Variants in GRB14 observed in about 807,000 individuals in gnomAD.
The protein encoded by GRB14 is growth factor receptor bound protein 14, also known as growth factor receptor-bound protein 14.
A neutral mutation model predicts 69.1 loss-of-function variants in GRB14; 38 were observed. The ratio of observed to expected loss-of-function variants is 0.55; its 90% confidence interval spans 0.42 to 0.72. The LOEUF (loss-of-function observed/expected upper bound fraction) is 0.72, where lower values mean the gene tolerates loss of function less well. Ranked by LOEUF, GRB14 falls within the 30% of genes least tolerant of loss-of-function variation. The pLI, the probability that GRB14 is intolerant of heterozygous loss-of-function variation, is 0.00. For missense variants in GRB14, 666 were observed against 666.1 expected, an observed-to-expected ratio of 1.00 and a Z score of 0.00; for synonymous variants, 247 against 241.3, an observed-to-expected ratio of 1.02 and a Z score of -0.22.
At chr2:164,505,858 T>C (rs1256854848) in intron 8 of GRB14, among the ~76,000 whole-genome samples, 6 of 152,160 alleles carry the variant, frequency 3.9e-5, no homozygotes. Flanking sequence ...TTTTTTTTCC[T>C]TTTAATGCTA....
intron 9 of GRB14, among the ~76,000 whole-genome samples, chr2:164,499,665 A>T (rs1017052435): frequency 1.3e-5 from 2 of 152,170 alleles, no homozygotes; most frequent in African/African-American, 4.8e-5. Flanking sequence ...TAAGAAAAAA[A>T]ATAGGTCTGG....
intron 9 of GRB14, among the ~76,000 whole-genome samples, chr2:164,501,132 C>A (rs527601599): frequency 5.3e-4 from 80 of 151,968 alleles, no homozygotes; most frequent in Non-Finnish European, 1.0e-3. Flanking sequence ...AACATGATTG[C>A]TTTTATAAAA....
intron 5 of GRB14, among the ~76,000 whole-genome samples, chr2:164,522,941 GC>G (rs1189890156): frequency 6.6e-6 from 1 of 152,028 alleles, no homozygotes; most frequent in East Asian, 1.9e-4. Context: ...TCGTGACTTG[GC>G]CCTTGGAATC....
At chr2:164,564,279 G>C (rs1330394110) in intron 2 of GRB14, among the ~76,000 whole-genome samples, 1 of 152,212 alleles carries the variant, frequency 6.6e-6, no homozygotes, top group Non-Finnish European at 1.5e-5. Context: ...TGCAGTGAAG[G>C]CTTCAAGGGA....
chr2:164,616,587 C>T (rs1227579726), intron 2 of GRB14, among the ~76,000 whole-genome samples: 2 of 152,072 alleles, frequency 1.3e-5, no homozygotes, highest in African/African-American at 4.8e-5. Context: ...TGCACTTTAC[C>T]ACTCATGCAT....
At chr2:164,570,608 A>T (rs1689103611) in intron 2 of GRB14, among the ~76,000 whole-genome samples, 1 of 152,160 alleles carries the variant, frequency 6.6e-6, no homozygotes, top group Non-Finnish European at 1.5e-5. Flanking sequence ...AGGAAACGGC[A>T]CTTGCTTTGA....
intron 2 of GRB14, chr2:164,568,596 G>C: frequency 2.9e-6 from 1 of 339,180 alleles, no homozygotes; most frequent in Middle Eastern, 6.0e-4. Flanking sequence ...GGAAAACCCC[G>C]CCTTTGTCCT....
At chr2:164,568,559 G>C in intron 2 of GRB14, 1 of 770,002 alleles carries the variant, frequency 1.3e-6, no homozygotes, top group South Asian at 4.8e-5. Context: ...CTGTGGGACA[G>C]GACAAGGCAG....
intron 4 of GRB14, among the ~76,000 whole-genome samples, chr2:164,525,812 G>T (rs1322658204): frequency 6.6e-6 from 1 of 151,858 alleles, no homozygotes; most frequent in Non-Finnish European, 1.5e-5. Context: ...TGTTGAGGGG[G>T]GGCACTCCTG....
intron 2 of GRB14, among the ~76,000 whole-genome samples, chr2:164,592,597 T>C (rs1405038352): frequency 1.3e-5 from 2 of 152,160 alleles, no homozygotes; most frequent in African/African-American, 4.8e-5. Context: ...ACTAGACACA[T>C]AGTATTCATA....
chr2:164,593,428 A>G (rs185202481), intron 2 of GRB14, among the ~76,000 whole-genome samples: 1 of 152,316 alleles, frequency 6.6e-6, no homozygotes, highest in East Asian at 1.9e-4. Flanking sequence ...TATATAAATA[A>G]AAGACAATTT....
intron 2 of GRB14, among the ~76,000 whole-genome samples, chr2:164,569,790 A>G (rs536419432): frequency 6.6e-6 from 1 of 152,324 alleles, no homozygotes; most frequent in South Asian, 2.1e-4. Context: ...ATAAAAAGTC[A>G]CAGATCTATT....
At chr2:164,502,162 A>G (rs4667463) in intron 9 of GRB14, 93 bp downstream of exon 9, 477,823 of 626,808 alleles carry the variant, frequency 0.76, 185,038 homozygotes, top group African/African-American at 0.84. Flanking sequence ...AGAAAATAAC[A>G]TAAATTATTA....
intron 2 of GRB14, among the ~76,000 whole-genome samples, chr2:164,548,226 T>G (rs1688436936): frequency 6.6e-6 from 1 of 152,196 alleles, no homozygotes; most frequent in Admixed American, 6.5e-5. Flanking sequence ...GACTTATTTT[T>G]AGACAGCACA....
At chr2:164,532,375 A>G (rs951361227) in intron 3 of GRB14, among the ~76,000 whole-genome samples, 1 of 152,202 alleles carries the variant, frequency 6.6e-6, no homozygotes, top group African/African-American at 2.4e-5. Flanking sequence ...ATTGTATTTA[A>G]TTCTTATAAT....
intron 2 of GRB14, among the ~76,000 whole-genome samples, chr2:164,601,814 C>T (rs1558878859): frequency 6.6e-6 from 1 of 151,926 alleles, no homozygotes; most frequent in South Asian, 2.1e-4. Context: ...ATTCAGGATA[C>T]AATCTTAACA....
intron 3 of GRB14, among the ~76,000 whole-genome samples, chr2:164,528,880 A>G (rs1338000041): frequency 6.6e-6 from 1 of 152,156 alleles, no homozygotes; most frequent in Non-Finnish European, 1.5e-5. Context: ...TAAAATTACC[A>G]TAGGATCAGC....
At chr2:164,605,626 A>G (rs1457007150) in intron 2 of GRB14, among the ~76,000 whole-genome samples, 1 of 152,226 alleles carries the variant, frequency 6.6e-6, no homozygotes, top group Non-Finnish European at 1.5e-5. Flanking sequence ...AGAAGGAAAA[A>G]GTAGTCAAAA....
At chr2:164,607,110 C>T (rs752134652) in intron 2 of GRB14, among the ~76,000 whole-genome samples, 2 of 152,208 alleles carry the variant, frequency 1.3e-5, no homozygotes, top group African/African-American at 2.4e-5. Flanking sequence ...CCTGACCAGG[C>T]TCTTTTTTAA....
Sources: gnomAD v4.1 joint callset for allele counts (sites outside exome capture counted in the v4.1 genomes callset) on GRCh38, gnomAD v4.1.1 for gene constraint, MANE v1.5 for transcripts, NCBI Gene and HGNC (gene_info 2026-07-23, HGNC 2026-07-21) for gene names.